IFIT3: variants seen among roughly 807,000 people sequenced by gnomAD.
IFIT3 encodes the protein interferon-induced protein with tetratricopeptide repeats 3.
In IFIT3, 2 loss-of-function variants were observed where a neutral mutation model predicts 2.4. That is an observed-to-expected ratio of 0.82 (90% confidence interval 0.34 to 2.60). The LOEUF is 2.60. Among genes scored for constraint, IFIT3 ranks in the 30% most tolerant of loss-of-function variants. The pLI, the probability that IFIT3 is intolerant of heterozygous loss-of-function variation, is 0.11. For synonymous variants in IFIT3, 203 were observed against 212.1 expected, an observed-to-expected ratio of 0.96 and a Z score of 0.37; for missense variants, 481 against 562.4, an observed-to-expected ratio of 0.86 and a Z score of 1.46.
chr10:89,328,613 C>T (rs1365848993), intron 1 of IFIT3, among the ~76,000 whole-genome samples: 1 of 152,082 alleles, frequency 6.6e-6, no homozygotes, highest in Non-Finnish European at 1.5e-5. Flanking sequence ...TGCCCTGAAA[C>T]GTTGCATTAC....
Position 89,334,478 on chromosome 10 carries a change from C to CT in IFIT3, c.6-4148dup, listed in dbSNP as rs578154457. On this transcript the variant is annotated intron_variant, in intron 1 of 1. Coordinates refer to ENST00000371818, the MANE Select transcript of IFIT3 (RefSeq NM_001549.6). ...TGTTTTTTCTTCTTTTTCTTTTATTCTTTTTTTTTTTTTTTTTTTTTTTTT... is the reference window on the plus strand; with the variant it reads ...TGTTTTTTCTTCTTTTTCTTTTATTCTTTTTTTTTTTTTTTTTTTTTTTTTT... 7.4e-3 allele frequency among the ~76,000 whole-genome samples: 188 copies of CT among 25,314 alleles called. 19 individuals are homozygous for CT. The highest frequency in any genetic ancestry group is 9.4e-3 in the Non-Finnish European group (136 of 14,396). 16.6% of individuals were successfully genotyped at this position (25,314 alleles called of 152,430 possible).
chr10:89,332,224 G>A (rs1250914252), intron 1 of IFIT3, among the ~76,000 whole-genome samples: 1 of 152,220 alleles, frequency 6.6e-6, no homozygotes, highest in Non-Finnish European at 1.5e-5. Context: ...ACAGGTCAAA[G>A]AGCAACAGTC....
At chr10:89,332,236 T>A (rs543263444) in intron 1 of IFIT3, among the ~76,000 whole-genome samples, 1 of 152,196 alleles carries the variant, frequency 6.6e-6, no homozygotes. Context: ...GCAACAGTCA[T>A]GCACCTGAGA....
intron 1 of IFIT3, among the ~76,000 whole-genome samples, chr10:89,334,588 C>T (rs568795768): frequency 7.8e-5 from 6 of 76,958 alleles, no homozygotes; most frequent in South Asian, 7.7e-4. Context: ...CTCCGCCTTC[C>T]GGTTTCAAGC....
In IFIT3 at chr10:89,334,478, C is replaced by CTTTTTTTTTTTTTTTTTTTTTTTTT. The variant is rs578154457; in HGVS notation, c.6-4172_6-4148dup. Among the ~76,000 whole-genome samples the CTTTTTTTTTTTTTTTTTTTTTTTTT allele has an allele frequency of 3.9e-4, 10 of 25,336 alleles. 1 individual carries two copies. The highest frequency in any genetic ancestry group is 5.5e-4 in the Non-Finnish European group (8 of 14,416). The allele number at this position is 25,336 out of a possible 152,430, so 16.6% of individuals were successfully genotyped here. ...TGTTTTTTCTTCTTTTTCTTTTATT[C>CTTTTTTTTTTTTTTTTTTTTTTTTT]TTTTTTTTTTTTTTTTTTTTTTTTT... On this transcript the variant is annotated intron_variant, in intron 1 of 1. Transcript: ENST00000371818.
chr10:89,328,501 C>T (rs1843620654), intron 1 of IFIT3, among the ~76,000 whole-genome samples: 1 of 150,386 alleles, frequency 6.6e-6, no homozygotes, highest in Non-Finnish European at 1.5e-5. Flanking sequence ...GATTAAGTCA[C>T]AGGCTTTTTT....
At chr10:89,336,671 TATCTTTTAAA>T (rs1481978588) in intron 1 of IFIT3, among the ~76,000 whole-genome samples, 1 of 152,268 alleles carries the variant, frequency 6.6e-6, no homozygotes, top group Non-Finnish European at 1.5e-5. Flanking sequence ...CTTTCTTTTC[TATCTTTTAAA>T]ATAAAATATT....
At position 89,336,939 on chromosome 10, in the gene IFIT3, G is replaced by C. The variant is rs537708202; in HGVS notation, c.6-1722G>C. Among the ~76,000 whole-genome samples the C allele has an allele frequency of 7.2e-4, 110 of 152,350 alleles. 1 individual carries two copies. Among genetic ancestry groups the C allele is most frequent in the African/African-American group, 2.6e-3 (108 of 41,578 alleles). ...AATGTAGATAATGGGAACACACTTA[G>C]AGAACTCTTGCAATTTATCCAGCTA... is the stretch of plus-strand genomic sequence containing the variant. On this transcript the variant is annotated intron_variant, in intron 1 of 1. Transcript: ENST00000371818.
chr10:89,332,578 T>C (rs1203337077), intron 1 of IFIT3: 2 of 1,613,792 alleles, frequency 1.2e-6, no homozygotes, highest in African/African-American at 1.3e-5. Context: ...AAAAACAAAA[T>C]CAACCGGGAC....
intron 1 of IFIT3, among the ~76,000 whole-genome samples, chr10:89,329,039 A>T (rs1332330): frequency 0.24 from 36,628 of 151,994 alleles, 4,580 homozygotes; most frequent in African/African-American, 0.27. Context: ...TTATATATTG[A>T]CCTCCTGGAG....
At chr10:89,328,284 T>C (rs1843618608) in intron 1 of IFIT3, among the ~76,000 whole-genome samples, 1 of 152,166 alleles carries the variant, frequency 6.6e-6, no homozygotes, top group African/African-American at 2.4e-5. Context: ...GTTTCTGGAA[T>C]GGTTCCCTAC....
At chr10:89,334,931 T>C (rs1843712306) in intron 1 of IFIT3, among the ~76,000 whole-genome samples, 1 of 152,048 alleles carries the variant, frequency 6.6e-6, no homozygotes, top group Admixed American at 6.5e-5. Flanking sequence ...AAAACACATA[T>C]GAGATAAATT....
chr10:89,338,766 A>G lies in IFIT3; in HGVS notation c.111A>G (p.Arg37=). Residue 37 remains arginine, a synonymous_variant, in exon 2 of 2, where the codon AGA becomes AGG. Transcript: ENST00000371818. Reference sequence around the variant, plus strand: ...GTGTCTCAAGGGATCTAGAAGATAGAGTGTGTAACCAGATTGAATTTTTAA... The same window carrying G: ...GTGTCTCAAGGGATCTAGAAGATAGGGTGTGTAACCAGATTGAATTTTTAA... ...EDSVSRDLED[R]VCNQIEFLNT... The G allele has an allele frequency of 5.0e-6, 8 of 1,614,106 alleles. No individual in the cohort carries two copies. Among genetic ancestry groups the G allele is most frequent in the Non-Finnish European group, 6.8e-6 (8 of 1,179,944 alleles).
chr10:89,330,379 C>T (rs1281481178), intron 1 of IFIT3, among the ~76,000 whole-genome samples: 1 of 152,224 alleles, frequency 6.6e-6, no homozygotes, highest in Non-Finnish European at 1.5e-5. Flanking sequence ...GCACCAAACT[C>T]TACTGCTGAT....
chr10:89,333,876 A>C (rs999397458), intron 1 of IFIT3, among the ~76,000 whole-genome samples: 2 of 152,244 alleles, frequency 1.3e-5, no homozygotes, highest in African/African-American at 2.4e-5. Flanking sequence ...CATTTTAAAA[A>C]GATCTCCAGA....
chr10:89,333,400 A>G (rs1241806490), intron 1 of IFIT3, among the ~76,000 whole-genome samples: 1 of 152,230 alleles, frequency 6.6e-6, no homozygotes, highest in Non-Finnish European at 1.5e-5. Flanking sequence ...GGCATACTGA[A>G]TGGCTTACAG....
At chr10:89,337,793 TA>T (rs1298571745) in intron 1 of IFIT3, among the ~76,000 whole-genome samples, 4 of 152,252 alleles carry the variant, frequency 2.6e-5, no homozygotes, top group Non-Finnish European at 4.4e-5. Flanking sequence ...CATATCTGCT[TA>T]CACGGTGTAA....
At chr10:89,337,271 T>C (rs2133561396) in intron 1 of IFIT3, among the ~76,000 whole-genome samples, 1 of 152,366 alleles carries the variant, frequency 6.6e-6, no homozygotes, top group South Asian at 2.1e-4. Flanking sequence ...TCTATTTTTC[T>C]TAGTATCCAT....
In IFIT3 at chr10:89,339,164, C is replaced by T; in HGVS notation, c.509C>T (p.Pro170Leu). Residue 170 changes from proline to leucine, a missense_variant, in exon 2 of 2, where the codon CCA becomes CTA. By Grantham distance (98) the Pro-to-Leu change is moderately conservative. Transcript: ENST00000371818. Reference protein sequence around the residue: ...EKALEEKPNNPEFSSGLAIAM... With the variant: ...EKALEEKPNNLEFSSGLAIAM... ...GCTCTGGAAGAAAAGCCCAACAACCCAGAATTCTCCTCTGGACTGGCAATT... is the reference window on the plus strand; with the variant it reads ...GCTCTGGAAGAAAAGCCCAACAACCTAGAATTCTCCTCTGGACTGGCAATT... 1 of 1,614,084 alleles carries T rather than the reference C, an allele frequency of 6.2e-7. No individual in the cohort carries two copies. The highest frequency in any genetic ancestry group is 8.5e-7 in the Non-Finnish European group (1 of 1,179,998).
Sources: allele counts gnomAD v4.1 joint callset (sites outside exome capture counted in the v4.1 genomes callset), GRCh38; gene constraint gnomAD v4.1.1; transcripts MANE v1.5; gene names NCBI Gene and HGNC (gene_info 2026-07-23, HGNC 2026-07-21).